Variants in FSHR observed in about 807,000 individuals in gnomAD.
FSHR encodes the protein follicle stimulating hormone receptor.
A neutral mutation model predicts 52.1 loss-of-function variants in FSHR; 46 were observed. That is an observed-to-expected ratio of 0.88 (90% CI 0.70 to 1.13). The LOEUF is 1.13. Among genes scored for constraint, FSHR ranks in the 50% most tolerant of loss-of-function variants. FSHR has a pLI of 0.00. For missense variants in FSHR, 964 were observed against 834.6 expected, an observed-to-expected ratio of 1.16 and a Z score of -1.91; for synonymous variants, 399 against 309.6, an observed-to-expected ratio of 1.29 and a Z score of -3.03.
intron 4 of FSHR, among the ~76,000 whole-genome samples, chr2:48,995,077 C>G (rs942103785): frequency 6.6e-5 from 10 of 152,066 alleles, no homozygotes; most frequent in Non-Finnish European, 1.3e-4. Context: ...ATCATTAATG[C>G]TTTTATTAAG....
chr2:49,135,846 A>G (rs971424746), intron 1 of FSHR, among the ~76,000 whole-genome samples: 11 of 152,140 alleles, frequency 7.2e-5, no homozygotes, highest in Non-Finnish European at 1.6e-4. Context: ...GAAAGATGGG[A>G]TATGTTTACT....
At chr2:49,105,024 C>T (rs1029825599) in intron 1 of FSHR, among the ~76,000 whole-genome samples, 3 of 152,000 alleles carry the variant, frequency 2.0e-5, no homozygotes, top group African/African-American at 2.4e-5. Context: ...TTGAGAAATC[C>T]GTAGATATCA....
chr2:48,964,809 C>A (rs1453844319), intron 9 of FSHR, among the ~76,000 whole-genome samples: 1 of 152,096 alleles, frequency 6.6e-6, no homozygotes, highest in Non-Finnish European at 1.5e-5. Flanking sequence ...GATAGAGGTA[C>A]TTACAGAGGG....
chr2:49,008,018 A>AT (rs907761450), intron 4 of FSHR, among the ~76,000 whole-genome samples: 7 of 151,538 alleles, frequency 4.6e-5, no homozygotes, highest in South Asian at 4.2e-4. Context: ...TTTTTTTTAA[A>AT]TTTTTTTTAT....
chr2:49,056,309 C>G (rs908993313), intron 2 of FSHR, among the ~76,000 whole-genome samples: 8 of 151,370 alleles, frequency 5.3e-5, no homozygotes, highest in African/African-American at 1.7e-4. Flanking sequence ...TCCTTATAAA[C>G]AAAACCCTAA....
At chr2:49,097,339 C>A (rs911692254) in intron 1 of FSHR, among the ~76,000 whole-genome samples, 7 of 152,168 alleles carry the variant, frequency 4.6e-5, no homozygotes, top group Non-Finnish European at 7.3e-5. Flanking sequence ...TCTAGTGATA[C>A]ATCTTCAAGT....
intron 1 of FSHR, among the ~76,000 whole-genome samples, chr2:49,122,210 T>C (rs1026256988): frequency 3.3e-5 from 5 of 152,170 alleles, no homozygotes; most frequent in African/African-American, 1.2e-4. Flanking sequence ...ACTTTCATGA[T>C]GGAAAGAAAG....
At chr2:49,007,437 T>G (rs1483351955) in intron 4 of FSHR, among the ~76,000 whole-genome samples, 1 of 152,152 alleles carries the variant, frequency 6.6e-6, no homozygotes, top group Admixed American at 6.6e-5. Flanking sequence ...GCTGTTTGTG[T>G]AAAAAACTGG....
rs1573019525 is a variant in FSHR at position 48,968,691 on chromosome 2, G to A, written c.854+7C>T. The A allele has an allele frequency of 2.5e-6, 4 of 1,614,026 alleles. No homozygotes were observed. In the South Asian group the frequency reaches 3.3e-5, roughly 13 times the overall value. On this transcript the variant is annotated splice_region_variant and intron_variant, in intron 9 of 9. Coordinates refer to ENST00000406846, the MANE Select transcript of FSHR (RefSeq NM_000145.4). ...ATGCCTGAGCAGGGCTTAAAGGATG[G>A]ACTCACATTTGCCGTCTCCAGTTTG... is the stretch of plus-strand genomic sequence containing the variant.
intron 1 of FSHR, among the ~76,000 whole-genome samples, chr2:49,130,855 A>C (rs1163660907): frequency 1.3e-5 from 2 of 152,196 alleles, no homozygotes; most frequent in Non-Finnish European, 2.9e-5. Context: ...TGTAGGAGAC[A>C]AGCTACTCAA....
rs150334738 is a variant in FSHR at position 49,089,361 on chromosome 2, C to T, written c.153-21071G>A. On this transcript the variant is annotated intron_variant, in intron 1 of 9. Transcript: ENST00000406846. ...AAATAACTGTTTTGCATCAGAAGAA[C>T]GTAAAATAATATCAAGGATACATTC... 4.7e-3 allele frequency among the ~76,000 whole-genome samples: 715 copies of T among 152,078 alleles called. 5 individuals are homozygous for T. The highest frequency in any genetic ancestry group is 0.015 in the African/African-American group (621 of 41,490).
chr2:49,105,679 G>A (rs770025624), intron 1 of FSHR, among the ~76,000 whole-genome samples: 1 of 152,142 alleles, frequency 6.6e-6, no homozygotes, highest in Non-Finnish European at 1.5e-5. Context: ...GATACATTCA[G>A]TCTTTCAGGA....
intron 4 of FSHR, among the ~76,000 whole-genome samples, chr2:49,002,471 G>A (rs888739474): frequency 6.6e-6 from 1 of 152,150 alleles, no homozygotes; most frequent in Middle Eastern, 3.4e-3. Flanking sequence ...TAATTGACAC[G>A]CAGTTCCTCA....
chr2:49,075,940 T>G (rs1383878589), intron 1 of FSHR, among the ~76,000 whole-genome samples: 1 of 152,120 alleles, frequency 6.6e-6, no homozygotes, highest in Non-Finnish European at 1.5e-5. Flanking sequence ...ACAGCTAGAC[T>G]AACAGTAGAT....
intron 1 of FSHR, among the ~76,000 whole-genome samples, chr2:49,071,112 C>T (rs1232630066): frequency 6.6e-6 from 1 of 152,142 alleles, no homozygotes; most frequent in African/African-American, 2.4e-5. Context: ...ATCTCATACA[C>T]ATTCTAGAAA....
At chr2:49,073,954 A>T (rs1669851795) in intron 1 of FSHR, among the ~76,000 whole-genome samples, 1 of 152,116 alleles carries the variant, frequency 6.6e-6, no homozygotes, top group Non-Finnish European at 1.5e-5. Flanking sequence ...CAGTCTCTTC[A>T]ATAAATTCTG....
intron 1 of FSHR, among the ~76,000 whole-genome samples, chr2:49,097,855 T>G (rs924422689): frequency 6.6e-6 from 1 of 152,206 alleles, no homozygotes; most frequent in Non-Finnish European, 1.5e-5. Flanking sequence ...TAATTCATAA[T>G]AGAGAAGAAA....
At chr2:49,091,380 T>G (rs912868598) in intron 1 of FSHR, among the ~76,000 whole-genome samples, 2 of 152,162 alleles carry the variant, frequency 1.3e-5, no homozygotes, top group Non-Finnish European at 1.5e-5. Context: ...CACGGCTCTC[T>G]GCAGTCTTGA....
chr2:49,049,531 T>A (rs895267741), intron 2 of FSHR, among the ~76,000 whole-genome samples: 2 of 152,018 alleles, frequency 1.3e-5, no homozygotes, highest in African/African-American at 4.8e-5. Flanking sequence ...ATATTAGAGA[T>A]GAGAGATGTA....
Sources: gnomAD v4.1 joint callset for allele counts (sites outside exome capture counted in the v4.1 genomes callset) on GRCh38, gnomAD v4.1.1 for gene constraint, MANE v1.5 for transcripts, NCBI Gene and HGNC (gene_info 2026-07-23, HGNC 2026-07-21) for gene names.